Variants in ZNF516 observed in about 807,000 individuals in gnomAD.
ZNF516 encodes zinc finger protein 516.
In ZNF516, 19 loss-of-function variants were observed where a neutral mutation model predicts 79.7. That is an observed-to-expected ratio of 0.24 (90% CI 0.17 to 0.35). The LOEUF is 0.35. ZNF516 is among the 10% of genes least tolerant of loss of function. The pLI is 1.00. For synonymous variants in ZNF516, 877 were observed against 739.5 expected (o/e 1.19, Z -3.02); for missense variants, 1,678 against 1,679.5 (o/e 1.00, Z 0.02).
At chr18:76,418,528 C>T (rs961793138) in intron 3 of ZNF516, among the ~76,000 whole-genome samples, 20 of 151,830 alleles carry the variant, frequency 1.3e-4, no homozygotes, top group East Asian at 9.6e-4. Context: ...CACTATAACA[C>T]GCACTGTAAC....
rs879912532 is a variant in ZNF516, at chr18:76,451,311, C to CG, written c.-157-8101dup. ...GTCCTCTCTGACCACCTTCCGGGGG[C>CG]GGGGGGGGCACCGATGTCAGCCCGG... On this transcript the variant is annotated intron_variant, in intron 2 of 6. Transcript: ENST00000443185. This position sits in a 1 kb window ranked among gnomAD's most constrained non-coding sequence, Gnocchi z 6.0. Among the ~76,000 whole-genome samples the CG allele has an allele frequency of 2.5e-3, 386 of 151,518 alleles. 1 individual carries two copies. Among genetic ancestry groups the CG allele is most frequent in the Non-Finnish European group, 3.7e-3 (248 of 67,832 alleles).
intron 3 of ZNF516, among the ~76,000 whole-genome samples, chr18:76,384,222 A>G (rs1341558615): frequency 6.6e-6 from 1 of 150,878 alleles, no homozygotes; most frequent in Non-Finnish European, 1.5e-5. Flanking sequence ...GGACACCCCC[A>G]ACAGGTGGCA....
chr18:76,469,613 C>T (rs1226762758), intron 1 of ZNF516, among the ~76,000 whole-genome samples: 2 of 152,022 alleles, frequency 1.3e-5, no homozygotes, highest in African/African-American at 4.8e-5. Flanking sequence ...AGTCTTCTGA[C>T]CAAAAAGTTT....
chr18:76,394,511 TGGGGGGAGGGCAGGTGGTCAGGTGGG>T (rs1599174538), intron 3 of ZNF516, among the ~76,000 whole-genome samples: 98 of 230 alleles, frequency 0.43, 40 homozygotes, highest in Non-Finnish European at 0.57. Flanking sequence ...GGTGGTCAGG[TGGGGGGAGGGCAGGTGGTCAGGTGGG>T]GGGAAGGCAG....
At position 76,379,582 on chromosome 18, in the gene ZNF516, C is replaced by A; in HGVS notation, c.2532G>T (p.Met844Ile). The stretch of plus-strand genomic sequence containing the variant: ...GAGAAGAGCCACTTTTGGACCCCGG[C>A]ATCCCCCCTGGCACCTGAGTGCGGG... ...RFTRTQVPGG[M>I]PGSKSGSSPL... is the part of the protein sequence containing the mutation. Residue 844 changes from methionine to isoleucine, a missense_variant, in exon 4 of 7, where the codon ATG (methionine) becomes ATT (isoleucine). By Grantham distance (10) the Met-to-Ile change is conservative. Transcript: ENST00000443185. 1 of 1,613,648 alleles carries A rather than the reference C, an allele frequency of 6.2e-7. No individual in the cohort carries two copies. Among genetic ancestry groups the A allele is most frequent in the Non-Finnish European group, 8.5e-7 (1 of 1,179,906 alleles).
intron 3 of ZNF516, among the ~76,000 whole-genome samples, chr18:76,424,479 CCACAT>C (rs2075560770): frequency 6.7e-6 from 1 of 148,354 alleles, no homozygotes; most frequent in African/African-American, 2.5e-5. Flanking sequence ...GAAAAGGTTC[CCACAT>C]GAAACACACG....
rs2074543368 is a variant in ZNF516, at chr18:76,361,897, C to A, written c.*601G>T. The A allele has an allele frequency of 6.6e-6, 1 of 152,396 alleles. No homozygotes were observed. The highest frequency in any genetic ancestry group is 1.5e-5 in the Non-Finnish European group (1 of 68,134). 9.4% of individuals were successfully genotyped at this position (152,396 alleles called of 1,614,324 possible). On this transcript the variant is annotated 3_prime_UTR_variant, in exon 7 of 7. Coordinates refer to ENST00000443185, the MANE Select transcript of ZNF516 (RefSeq NM_014643.4). ...GAACAATGAGGGTCTCATCATCATA[C>A]CCCTCCGCCAAGCCTGCTTCCCACA...
intron 3 of ZNF516, among the ~76,000 whole-genome samples, chr18:76,428,392 CAA>C (rs10552608): frequency 0.33 from 45,271 of 136,582 alleles, 7,553 homozygotes; most frequent in East Asian, 0.47. Context: ...GATTCTGTCT[CAA>C]AAAAAAAAAA....
intron 3 of ZNF516, among the ~76,000 whole-genome samples, chr18:76,398,739 C>G (rs1004581457): frequency 1.3e-5 from 2 of 152,170 alleles, no homozygotes; most frequent in African/African-American, 4.8e-5. Flanking sequence ...GGGAGTAAGT[C>G]TCAGGAAGAG....
At chr18:76,427,909 A>G (rs1192646030) in intron 3 of ZNF516, among the ~76,000 whole-genome samples, 3 of 152,222 alleles carry the variant, frequency 2.0e-5, no homozygotes, top group African/African-American at 7.2e-5. Context: ...ATAAAAATAT[A>G]CCACTTTTTT....
chr18:76,438,150 C>T (rs1330577109), intron 3 of ZNF516, among the ~76,000 whole-genome samples: 2 of 152,258 alleles, frequency 1.3e-5, no homozygotes, highest in African/African-American at 4.8e-5. Context: ...CATCCCAGTC[C>T]AGGCACTTCT....
chr18:76,378,789 T>C, intron 4 of ZNF516, 66 bp downstream of exon 4: 3 of 1,549,920 alleles, frequency 1.9e-6, no homozygotes, highest in Non-Finnish European at 2.6e-6. Flanking sequence ...GCAGCAGCCC[T>C]GGCCCTCCGG....
In ZNF516 at chr18:76,451,961, T is replaced by C. The variant is rs564423295; in HGVS notation, c.-157-8750A>G. On this transcript the variant is annotated intron_variant, in intron 2 of 6. Transcript: ENST00000443185. This position sits in a 1 kb window ranked among gnomAD's most constrained non-coding sequence, Gnocchi z 6.0. ...GCCCCATAAAGTGATGCATTCACTA[T>C]TGGGAGAGTAAGTACGGCCGATGAC... 5.9e-5 allele frequency among the ~76,000 whole-genome samples: 9 copies of C among 152,284 alleles called. No homozygotes were observed. The highest frequency in any genetic ancestry group is 2.2e-4 in the African/African-American group (9 of 41,564).
chr18:76,468,631 G>A (rs1233489590), intron 1 of ZNF516, among the ~76,000 whole-genome samples: 11 of 151,928 alleles, frequency 7.2e-5, no homozygotes, highest in Non-Finnish European at 1.6e-4. Context: ...TGTCAGCCAG[G>A]CTGGTCTCAA....
chr18:76,484,430 C>G (rs973329418), intron 1 of ZNF516, among the ~76,000 whole-genome samples: 1 of 152,206 alleles, frequency 6.6e-6, no homozygotes, highest in African/African-American at 2.4e-5. Context: ...CTTTCCTTCA[C>G]GGTCATTACA....
At position 76,443,496 on chromosome 18, in the gene ZNF516, A is replaced by G. The variant is rs115553431; in HGVS notation, c.-157-285T>C. Among the ~76,000 whole-genome samples the G allele has an allele frequency of 2.5e-3, 382 of 152,274 alleles. 1 individual carries two copies. The highest frequency in any genetic ancestry group is 8.5e-3 in the African/African-American group (352 of 41,544). The stretch of plus-strand genomic sequence containing the variant: ...CAATAAGGTATCAAATCTTTAGGAG[A>G]GACTGTAGTACCAGAGTGTGTAGGA... On this transcript the variant is annotated intron_variant, in intron 2 of 6. Coordinates refer to ENST00000443185, the MANE Select transcript of ZNF516 (RefSeq NM_014643.4).
chr18:76,394,672 TG>T (rs1241435193), intron 3 of ZNF516, among the ~76,000 whole-genome samples: 6,354 of 7,718 alleles, frequency 0.82, 2,567 homozygotes, highest in African/African-American at 0.88. Flanking sequence ...GGTGGTCAGG[TG>T]GGGGGAAGGC....
chr18:76,455,947 T>C (rs2145637771), intron 2 of ZNF516, among the ~76,000 whole-genome samples: 1 of 152,296 alleles, frequency 6.6e-6, no homozygotes, highest in Admixed American at 6.5e-5. Flanking sequence ...TAAACACAAT[T>C]GACAGCCAGA....
intron 3 of ZNF516, among the ~76,000 whole-genome samples, chr18:76,431,082 C>T (rs943585737): frequency 3.3e-5 from 5 of 152,122 alleles, no homozygotes; most frequent in Non-Finnish European, 5.9e-5. Flanking sequence ...TATGCAAAGG[C>T]TTATGCAAAT....
Sources: gnomAD v4.1 joint callset for allele counts (sites outside exome capture counted in the v4.1 genomes callset) on GRCh38, gnomAD v4.1.1 for gene constraint, Gnocchi (gnomAD v3.1) non-coding constraint, MANE v1.5 for transcripts, NCBI Gene and HGNC (gene_info 2026-07-23, HGNC 2026-07-21) for gene names.